The following TMC2 variants were observed in gnomAD, a reference collection of about 807,000 sequenced individuals.
The protein encoded by TMC2 is transmembrane channel like 2, also known as transmembrane channel-like protein 2.
TMC2 carries 102 observed loss-of-function variants against 105.9 expected under a neutral mutation model. That is an observed-to-expected ratio of 0.96 (90% CI 0.82 to 1.14). TMC2 has a LOEUF of 1.14. Ranked by LOEUF, TMC2 falls within the 50% of genes most tolerant of loss-of-function variation. TMC2 has a pLI of 0.00. For missense variants in TMC2, 1,093 were observed against 1,134.3 expected, an observed-to-expected ratio of 0.96 and a Z score of 0.52; for synonymous variants, 402 against 422.8, an observed-to-expected ratio of 0.95 and a Z score of 0.60.
chr20:2,634,255 T>C (rs1011631829), intron 17 of TMC2, among the ~76,000 whole-genome samples: 2 of 152,230 alleles, frequency 1.3e-5, no homozygotes, highest in Admixed American at 1.3e-4. Context: ...CTCCACACTC[T>C]GCAATGGCGC....
intron 10 of TMC2, among the ~76,000 whole-genome samples, chr20:2,597,797 C>T (rs1037094798): frequency 2.6e-5 from 4 of 152,116 alleles, no homozygotes; most frequent in African/African-American, 9.7e-5. Context: ...CACGCCCAGC[C>T]TGTCTGTTTC....
intron 11 of TMC2, among the ~76,000 whole-genome samples, chr20:2,608,300 T>TTTA (rs61608674): frequency 0.36 from 48,427 of 134,306 alleles, 9,303 homozygotes; most frequent in Middle Eastern, 0.44. Context: ...CTTATTTTTA[T>TTTA]TTATTATTAT....
At chr20:2,609,794 A>C (rs1373944771) in intron 11 of TMC2, among the ~76,000 whole-genome samples, 1 of 152,106 alleles carries the variant, frequency 6.6e-6, no homozygotes, top group East Asian at 1.9e-4. Flanking sequence ...AGAAGAGTTG[A>C]CCAACTTGCA....
At chr20:2,588,405 T>C (rs1309029362) in intron 7 of TMC2, among the ~76,000 whole-genome samples, 1 of 152,200 alleles carries the variant, frequency 6.6e-6, no homozygotes, top group Non-Finnish European at 1.5e-5. Context: ...GGTGAGACCC[T>C]GAGCAGAGAA....
chr20:2,641,613 A>T lies in TMC2; in HGVS notation c.*262A>T. 1 of 417,170 alleles carries T rather than the reference A, an allele frequency of 2.4e-6. No individual in the cohort carries two copies. The highest frequency in any genetic ancestry group is 4.4e-6 in the Non-Finnish European group (1 of 228,408). The allele number at this position is 417,170 out of a possible 1,614,324, so 25.8% of individuals were successfully genotyped here. On this transcript the variant is annotated 3_prime_UTR_variant, in exon 20 of 20. Coordinates refer to ENST00000358864, the MANE Select transcript of TMC2 (RefSeq NM_080751.3). ...AATATCTTGGTTCAGACAGCTCTGAACCCCACGCTCACAGTGGTCGACCTT... is the reference window on the plus strand; with the variant it reads ...AATATCTTGGTTCAGACAGCTCTGATCCCCACGCTCACAGTGGTCGACCTT...
chr20:2,637,451 C>A (rs747485728), intron 18 of TMC2, 23 bp from the exon 19 acceptor site: 6 of 1,540,468 alleles, frequency 3.9e-6, no homozygotes, highest in Admixed American at 3.3e-5. Flanking sequence ...GGGCCAGGAC[C>A]AACAGTTCAT....
chr20:2,541,314 G>A (rs1271591694), intron 2 of TMC2, among the ~76,000 whole-genome samples: 3 of 152,076 alleles, frequency 2.0e-5, no homozygotes, highest in African/African-American at 7.2e-5. Flanking sequence ...CTTGGGCTTG[G>A]GTTGACTCCT....
At chr20:2,637,403 C>T (rs1253435234) in intron 18 of TMC2, 71 bp from the exon 19 acceptor site, 2 of 763,952 alleles carry the variant, frequency 2.6e-6, no homozygotes, top group African/African-American at 2.4e-5. Context: ...AAAAAAAAAT[C>T]ACTCTCAACA....
chr20:2,618,259 G>A (rs78979595), intron 16 of TMC2: 3,327 of 152,610 alleles, frequency 0.022, 117 homozygotes, highest in African/African-American at 0.073. Flanking sequence ...GTAAGAAAAT[G>A]CAATATTTGT....
chr20:2,570,746 A>T (rs1209645638), intron 4 of TMC2, among the ~76,000 whole-genome samples: 1 of 152,142 alleles, frequency 6.6e-6, no homozygotes, highest in Non-Finnish European at 1.5e-5. Flanking sequence ...TCAACTTCAA[A>T]CTATACTATG....
At chr20:2,610,378 A>T in intron 11 of TMC2, 41 bp from the exon 12 acceptor site, 4 of 1,566,034 alleles carry the variant, frequency 2.6e-6, no homozygotes, top group Non-Finnish European at 3.5e-6. Flanking sequence ...CCAAACAAGT[A>T]TAATGTTGAT....
At chr20:2,587,099 T>A (rs1466098117) in intron 7 of TMC2, among the ~76,000 whole-genome samples, 1 of 152,182 alleles carries the variant, frequency 6.6e-6, no homozygotes, top group African/African-American at 2.4e-5. Flanking sequence ...CCTAAATTTT[T>A]ATATTATTTG....
chr20:2,621,559 C>G (rs2146254212), intron 16 of TMC2, among the ~76,000 whole-genome samples: 1 of 151,776 alleles, frequency 6.6e-6, no homozygotes, highest in South Asian at 2.1e-4. Context: ...ATTCCAGCTA[C>G]TCGCAAGGCT....
In TMC2 at chr20:2,624,374, A is replaced by T. The variant is rs1364453451; in HGVS notation, c.2284A>T (p.Ile762Phe). ...TTTCCTCGCCAATCCAGGCCTGATC[A>T]TCCCAGCCATCCTGCTGATGTTGTA... ...FAFLANPGLI[I>F]PAILLMFLAI... Residue 762 changes from isoleucine (I) to phenylalanine (F), a missense_variant, in exon 17 of 20, where the codon ATC (isoleucine) becomes TTC (phenylalanine). Ile to Phe is a conservative substitution (Grantham distance 21). Coordinates refer to ENST00000358864, the MANE Select transcript of TMC2 (RefSeq NM_080751.3). 6.2e-7 allele frequency: 1 copy of T among 1,613,960 alleles called. No individual in the cohort carries two copies. Among genetic ancestry groups the T allele is most frequent in the Non-Finnish European group, 8.5e-7 (1 of 1,179,952 alleles).
chr20:2,607,460 G>T (rs1182773180), intron 11 of TMC2, among the ~76,000 whole-genome samples: 1 of 152,160 alleles, frequency 6.6e-6, no homozygotes, highest in African/African-American at 2.4e-5. Context: ...AGAGGCCCAG[G>T]CTGTTTTAGC....
intron 7 of TMC2, among the ~76,000 whole-genome samples, chr20:2,589,766 T>C (rs1407788896): frequency 6.6e-6 from 1 of 152,152 alleles, no homozygotes; most frequent in Admixed American, 6.6e-5. Flanking sequence ...GCCTCCCAGG[T>C]TCACGCCATT....
At chr20:2,633,699 G>A (rs2086620816) in intron 17 of TMC2, among the ~76,000 whole-genome samples, 1 of 152,156 alleles carries the variant, frequency 6.6e-6, no homozygotes, top group Non-Finnish European at 1.5e-5. Flanking sequence ...TCCAGTGACT[G>A]CCAGGCTACT....
chr20:2,630,877 G>A (rs2086597969), intron 17 of TMC2, among the ~76,000 whole-genome samples: 1 of 152,196 alleles, frequency 6.6e-6, no homozygotes, highest in South Asian at 2.1e-4. Context: ...GCATATAGCT[G>A]AAGCATAGTG....
chr20:2,545,305 C>T (rs549492140), intron 2 of TMC2, among the ~76,000 whole-genome samples: 145 of 152,226 alleles, frequency 9.5e-4, no homozygotes, highest in African/African-American at 3.3e-3. Context: ...TAGAATACCC[C>T]TAGGGTACTT....
Sources: gnomAD v4.1 joint callset for allele counts (sites outside exome capture counted in the v4.1 genomes callset) on GRCh38, gnomAD v4.1.1 for gene constraint, MANE v1.5 for transcripts, NCBI Gene and HGNC (gene_info 2026-07-23, HGNC 2026-07-21) for gene names.